The following FNTA variants were observed in gnomAD, a reference collection of about 807,000 sequenced individuals.
FNTA encodes farnesyltransferase, CAAX box, subunit alpha.
FNTA carries 27 observed loss-of-function variants against 55.2 expected under a neutral mutation model. The ratio of observed to expected loss-of-function variants is 0.49; its 90% CI spans 0.36 to 0.67. The LOEUF is 0.67. Ranked by LOEUF, FNTA falls within the 30% of genes least tolerant of loss-of-function variation. The pLI, the probability that FNTA is intolerant of heterozygous loss-of-function variation, is 0.00. For synonymous variants in FNTA, 176 were observed against 170.7 expected (o/e 1.03, Z -0.24); for missense variants, 422 against 464.7 (o/e 0.91, Z 0.85).
intron 2 of FNTA, among the ~76,000 whole-genome samples, chr8:43,062,437 A>G (rs891495080): frequency 6.6e-6 from 1 of 151,814 alleles, no homozygotes; most frequent in Non-Finnish European, 1.5e-5. Context: ...ATGTGTCACC[A>G]TGCCCAGCTA....
chr8:43,072,272 TATC>T lies in FNTA; in HGVS notation c.601_603del (p.His201del). On this transcript the variant is annotated inframe_deletion, in exon 5 of 9. Transcript: ENST00000302279. ...TATTCTTAATCAGGATGCAAAGAATTATCATGCCTGGCAGCATCGACAATGGGT... is the reference window on the plus strand; with the variant it reads ...TATTCTTAATCAGGATGCAAAGAATTATGCCTGGCAGCATCGACAATGGGT... 1 of 1,595,580 alleles carries T rather than the reference TATC, an allele frequency of 6.3e-7. No individual in the cohort carries two copies. Among genetic ancestry groups the T allele is most frequent in the Non-Finnish European group, 8.5e-7 (1 of 1,170,562 alleles).
rs975937401 is a variant in FNTA, at chr8:43,067,895, TTTTG to T, written c.402-1644_402-1641del. On this transcript the variant is annotated intron_variant, in intron 3 of 8. Transcript: ENST00000302279. ...CCACCACACCCAGCTAGTTTTGTAT[TTTTG>T]TTTGTTTGTTTGTTTTTTGAGACGG... 1.2e-3 allele frequency among the ~76,000 whole-genome samples: 175 copies of T among 151,968 alleles called. 1 individual carries two copies. The highest frequency in any genetic ancestry group is 3.9e-3 in the African/African-American group (163 of 41,420).
chr8:43,065,510 G>A (rs1810634473), intron 3 of FNTA, among the ~76,000 whole-genome samples: 1 of 152,156 alleles, frequency 6.6e-6, no homozygotes, highest in Non-Finnish European at 1.5e-5. Flanking sequence ...GCCTCCCAAA[G>A]TACTGGGATT....
At chr8:43,077,521 T>C in intron 6 of FNTA, 157 bp downstream of exon 6, 1 of 428,092 alleles carries the variant, frequency 2.3e-6, no homozygotes. Context: ...TTACAAATAA[T>C]GTAGCATACT....
chr8:43,060,276 A>T (rs192845193), intron 2 of FNTA, among the ~76,000 whole-genome samples: 1 of 152,246 alleles, frequency 6.6e-6, no homozygotes, highest in African/African-American at 2.4e-5. Flanking sequence ...AATATAAACC[A>T]TAACTTATTC....
intron 6 of FNTA, chr8:43,079,136 G>A (rs1175119375): frequency 1.9e-5 from 3 of 160,420 alleles, no homozygotes; most frequent in African/African-American, 7.2e-5. Flanking sequence ...GAAGCAGCAA[G>A]TGCTGCTGGA....
chr8:43,072,798 C>G (rs993677316), intron 5 of FNTA, among the ~76,000 whole-genome samples: 1 of 152,050 alleles, frequency 6.6e-6, no homozygotes, highest in African/African-American at 2.4e-5. Flanking sequence ...CCTTTATAAT[C>G]TCTTTGGATG....
intron 4 of FNTA, among the ~76,000 whole-genome samples, chr8:43,071,694 C>CAAAAAAAA (rs71231890): frequency 1.4e-5 from 1 of 73,242 alleles, no homozygotes. Context: ...GACTTCGTCT[C>CAAAAAAAA]AAAAAAAAAA....
chr8:43,083,003 G>A lies in FNTA; in HGVS notation c.783-115G>A, dbSNP rs916744651. The A allele has an allele frequency of 7.9e-5, 45 of 568,290 alleles. No individual in the cohort carries two copies. The South Asian group carries it at 8.4e-4, about 11-fold the overall frequency. 35.2% of individuals were successfully genotyped at this position (568,290 alleles called of 1,614,324 possible). A position where few individuals can be genotyped will look rare whatever the true frequency, so the allele number is the denominator to read the frequency against. On this transcript the variant is annotated intron_variant, in intron 6 of 8. Transcript: ENST00000302279. ...GGAGGTTGCAGTGAGCTGAGATTGT[G>A]CCACTGCACTCCAGCCTGGGTGACA...
chr8:43,059,427 T>C (rs1272639501), intron 2 of FNTA, among the ~76,000 whole-genome samples: 2 of 152,196 alleles, frequency 1.3e-5, no homozygotes, highest in Non-Finnish European at 2.9e-5. Context: ...ATAGCTACTA[T>C]GTGATTGTGG....
At chr8:43,073,800 A>T (rs547119215) in intron 5 of FNTA, among the ~76,000 whole-genome samples, 1 of 152,334 alleles carries the variant, frequency 6.6e-6, no homozygotes, top group South Asian at 2.1e-4. Flanking sequence ...GCTGCTAAAC[A>T]TCCCAAAATG....
At chr8:43,068,886 A>G (rs528410597) in intron 3 of FNTA, among the ~76,000 whole-genome samples, 9 of 151,650 alleles carry the variant, frequency 5.9e-5, no homozygotes, top group African/African-American at 2.2e-4. Flanking sequence ...CTGATTTTGC[A>G]TTTTTAGTAG....
intron 5 of FNTA, among the ~76,000 whole-genome samples, chr8:43,075,673 G>A (rs567748636): frequency 1.3e-5 from 2 of 152,074 alleles, no homozygotes; most frequent in South Asian, 2.1e-4. Context: ...AAAATTAGCC[G>A]GTTATGTTGG....
intron 2 of FNTA, 50 bp from the exon 3 acceptor site, chr8:43,064,051 G>T: frequency 9.1e-7 from 1 of 1,103,272 alleles, no homozygotes. Context: ...ACATTATAGT[G>T]CTAATTTTAA....
chr8:43,076,137 G>A lies in FNTA; in HGVS notation c.634-1079G>A, dbSNP rs148620730. 5.4e-3 allele frequency among the ~76,000 whole-genome samples: 823 copies of A among 152,080 alleles called. 5 individuals are homozygous for A. Among genetic ancestry groups the A allele is most frequent in the Non-Finnish European group, 5.7e-3 (389 of 67,978 alleles). On this transcript the variant is annotated intron_variant, in intron 5 of 8. Transcript: ENST00000302279. ...CAGCTCATTGCAACCTCCACCTCAC[G>A]GGTTCAAGCGATTCTCTTGCCTCAG...
At chr8:43,066,939 G>C (rs1465344832) in intron 3 of FNTA, among the ~76,000 whole-genome samples, 1 of 152,210 alleles carries the variant, frequency 6.6e-6, no homozygotes, top group African/African-American at 2.4e-5. Context: ...TAGGGTGTTA[G>C]GCAGGGGAAG....
intron 6 of FNTA, chr8:43,080,883 A>T (rs1020380340): frequency 6.6e-6 from 1 of 152,248 alleles, no homozygotes; most frequent in Non-Finnish European, 1.5e-5. Context: ...GCAAACGTTT[A>T]GCCTTTTCAG....
chr8:43,060,520 C>G (rs566106985), intron 2 of FNTA, among the ~76,000 whole-genome samples: 36 of 151,988 alleles, frequency 2.4e-4, no homozygotes, highest in African/African-American at 8.0e-4. Context: ...ACTAAAAATA[C>G]AAAAATTAGC....
Position 43,078,340 on chromosome 8 carries a change from T to TG in FNTA, c.782+976_782+977insG, listed in dbSNP as rs796799612. On this transcript the variant is annotated intron_variant, in intron 6 of 8. Coordinates refer to ENST00000302279, the MANE Select transcript of FNTA (RefSeq NM_002027.3). ...GCCTTGTATATATTATGTTTTTTTT[T>TG]TTTGTTTGTTTTTTGTTTTTTTTAA... 83 of 151,962 alleles carry TG rather than the reference T, an allele frequency of 5.5e-4. No homozygotes were observed. In the Middle Eastern group the frequency reaches 0.01, roughly 19 times the overall value. The allele number at this position is 151,962 out of a possible 1,614,324, so 9.4% of individuals were successfully genotyped here.
Sources: gnomAD v4.1 joint callset for allele counts (sites outside exome capture counted in the v4.1 genomes callset) on GRCh38, gnomAD v4.1.1 for gene constraint, MANE v1.5 for transcripts, NCBI Gene and HGNC (gene_info 2026-07-23, HGNC 2026-07-21) for gene names.